The following DMRT1 variants were observed in gnomAD, a reference collection of about 807,000 sequenced individuals.
DMRT1 encodes the protein doublesex- and mab-3-related transcription factor 1.
In DMRT1, 7 loss-of-function variants were observed where a neutral mutation model predicts 32.3. The ratio of observed to expected loss-of-function variants is 0.22; its 90% CI spans 0.12 to 0.41. DMRT1 has a LOEUF of 0.41. Ranked by LOEUF, DMRT1 falls within the 10% of genes least tolerant of loss-of-function variation. The probability of loss-of-function intolerance (pLI) is 1.00; values close to 1 mark genes in which losing one functional copy is unlikely to be tolerated. For missense variants in DMRT1, 625 were observed against 500.5 expected (o/e 1.25, Z -2.37); for synonymous variants, 278 against 206.1 (o/e 1.35, Z -2.99).
intron 4 of DMRT1, among the ~76,000 whole-genome samples, chr9:952,595 T>G (rs531973492): frequency 6.6e-6 from 1 of 152,210 alleles, no homozygotes; most frequent in Non-Finnish European, 1.5e-5. Context: ...AGATTACTTA[T>G]GCTTGAAGGA....
At chr9:842,382 A>C (rs1194834557) in intron 1 of DMRT1, 190 bp downstream of exon 1, 21 of 701,090 alleles carry the variant, frequency 3.0e-5, no homozygotes, top group East Asian at 1.4e-4. Context: ...CTACAGGCGC[A>C]CACCACCATG....
chr9:942,234 T>G (rs1371041095), intron 4 of DMRT1, among the ~76,000 whole-genome samples: 1 of 152,186 alleles, frequency 6.6e-6, no homozygotes, highest in Non-Finnish European at 1.5e-5. Flanking sequence ...TCTTCCTCAG[T>G]TTTGGCAATG....
intron 4 of DMRT1, among the ~76,000 whole-genome samples, chr9:956,778 C>T (rs888651893): frequency 5.9e-5 from 9 of 152,074 alleles, no homozygotes; most frequent in African/African-American, 2.2e-4. Flanking sequence ...CCTTTCTTTC[C>T]TTAAGTTCAG....
intron 4 of DMRT1, among the ~76,000 whole-genome samples, chr9:930,636 C>A (rs963994308): frequency 1.3e-5 from 2 of 152,020 alleles, no homozygotes; most frequent in African/African-American, 4.8e-5. Flanking sequence ...TCTCGATCTC[C>A]TGACCTCGTG....
intron 2 of DMRT1, among the ~76,000 whole-genome samples, chr9:860,569 T>C (rs1815615093): frequency 6.6e-6 from 1 of 152,184 alleles, no homozygotes; most frequent in Non-Finnish European, 1.5e-5. Context: ...GCAGTGCATA[T>C]ATCTCTCACA....
intron 2 of DMRT1, among the ~76,000 whole-genome samples, chr9:882,682 G>T (rs974181712): frequency 6.7e-6 from 1 of 149,730 alleles, no homozygotes; most frequent in African/African-American, 2.5e-5. Flanking sequence ...TCAGCCTCAT[G>T]TTTGTATTTT....
intron 4 of DMRT1, among the ~76,000 whole-genome samples, chr9:959,684 T>G (rs899333796): frequency 4.0e-5 from 6 of 151,412 alleles, no homozygotes; most frequent in African/African-American, 1.5e-4. Context: ...TGTGCTACTA[T>G]GCCCGGCTAA....
chr9:851,869 T>C (rs1389268760), intron 2 of DMRT1, among the ~76,000 whole-genome samples: 1 of 152,128 alleles, frequency 6.6e-6, no homozygotes, highest in Non-Finnish European at 1.5e-5. Context: ...TGGAAAGAAA[T>C]AGTCTTTTGA....
At chr9:861,292 G>C (rs1589460595) in intron 2 of DMRT1, among the ~76,000 whole-genome samples, 1 of 152,022 alleles carries the variant, frequency 6.6e-6, no homozygotes, top group African/African-American at 2.4e-5. Context: ...CTGCCTTCAA[G>C]TATCTGTTTA....
At chr9:847,192 C>T in intron 2 of DMRT1, 49 bp downstream of exon 2, 3 of 1,590,432 alleles carry the variant, frequency 1.9e-6, no homozygotes, top group Non-Finnish European at 2.6e-6. Flanking sequence ...ATGAGGGAGG[C>T]CGAAGGGTTG....
intron 4 of DMRT1, among the ~76,000 whole-genome samples, chr9:926,987 G>T (rs574831714): frequency 6.6e-6 from 1 of 152,282 alleles, no homozygotes; most frequent in East Asian, 1.9e-4. Context: ...TCTGTCTGTT[G>T]GGCCCTCCTT....
At chr9:918,582 A>G (rs1198833066) in intron 4 of DMRT1, among the ~76,000 whole-genome samples, 2 of 152,220 alleles carry the variant, frequency 1.3e-5, no homozygotes, top group Non-Finnish European at 2.9e-5. Flanking sequence ...GGTGAATACC[A>G]CCTACAATTC....
chr9:873,955 G>C (rs934317217), intron 2 of DMRT1, among the ~76,000 whole-genome samples: 2 of 152,138 alleles, frequency 1.3e-5, no homozygotes, highest in African/African-American at 4.8e-5. Context: ...TATTTAACTT[G>C]GAAGTGGAAA....
Position 920,421 on chromosome 9 carries a change from G to A in DMRT1, c.967+3514G>A, listed in dbSNP as rs572888606. Among the ~76,000 whole-genome samples, 24 of 152,300 alleles carry A rather than the reference G, an allele frequency of 1.6e-4. 1 individual carries two copies. The East Asian group carries it at 4.2e-3, about 27-fold the overall frequency. On this transcript the variant is annotated intron_variant, in intron 4 of 4. Coordinates refer to ENST00000382276, the MANE Select transcript of DMRT1 (RefSeq NM_021951.3). ...AAAGGATTTTAATGAGAGCCAAAGA[G>A]TGCTGATATGTCAAATGAGATGAGG...
In DMRT1 at chr9:901,994, C is replaced by G. The variant is rs924346971; in HGVS notation, c.822+7799C>G. ...GTGATGCGATCTCAGCCCACTGCAACCTCCTCCCTAGTTCAAGCGGTTCTC... is the reference window on the plus strand; with the variant it reads ...GTGATGCGATCTCAGCCCACTGCAAGCTCCTCCCTAGTTCAAGCGGTTCTC... On this transcript the variant is annotated intron_variant, in intron 3 of 4. Transcript: ENST00000382276. Among the ~76,000 whole-genome samples, 6 of 147,446 alleles carry G rather than the reference C, an allele frequency of 4.1e-5. No individual in the cohort carries two copies. In the South Asian group the frequency reaches 1.1e-3, roughly 26 times the overall value.
intron 4 of DMRT1, among the ~76,000 whole-genome samples, chr9:948,854 G>A (rs773533898): frequency 1.1e-4 from 17 of 151,152 alleles, no homozygotes; most frequent in African/African-American, 1.9e-4. Flanking sequence ...TCAGGAGTTC[G>A]AAACCAGCCT....
In DMRT1 at chr9:896,053, T is replaced by A. The variant is rs550822079; in HGVS notation, c.822+1858T>A. Among the ~76,000 whole-genome samples, 9 of 152,050 alleles carry A rather than the reference T, an allele frequency of 5.9e-5. No individual in the cohort carries two copies. In the East Asian group the frequency reaches 1.7e-3, roughly 29 times the overall value. ...CTCTTGCCCTTGTGATTGGCCCACC[T>A]CAGCCTCCCAAAGTGCTGGGATTAC... is the stretch of plus-strand genomic sequence containing the variant. On this transcript the variant is annotated intron_variant, in intron 3 of 4. Transcript: ENST00000382276.
At chr9:891,401 A>G (rs967245199) in intron 2 of DMRT1, among the ~76,000 whole-genome samples, 4 of 151,938 alleles carry the variant, frequency 2.6e-5, no homozygotes, top group African/African-American at 7.2e-5. Context: ...CAGTGAGCCG[A>G]GATCGTACCA....
In DMRT1 at chr9:942,987, T is replaced by TC. The variant is rs529735082; in HGVS notation, c.968-24992dup. ...CTGACTTTAAACCTCTGCACACCCC[T>TC]CCCCCCAACCCTATATGATGCTGCT... On this transcript the variant is annotated intron_variant, in intron 4 of 4. Coordinates refer to ENST00000382276, the MANE Select transcript of DMRT1 (RefSeq NM_021951.3). Among the ~76,000 whole-genome samples, 21 of 146,400 alleles carry TC rather than the reference T, an allele frequency of 1.4e-4. No homozygotes were observed. The South Asian group carries it at 4.1e-3, about 29-fold the overall frequency.
Sources: gnomAD v4.1 joint callset for allele counts (sites outside exome capture counted in the v4.1 genomes callset) on GRCh38, gnomAD v4.1.1 for gene constraint, MANE v1.5 for transcripts, NCBI Gene and HGNC (gene_info 2026-07-23, HGNC 2026-07-21) for gene names.